STX16: variants seen among roughly 807,000 people sequenced by gnomAD.
STX16 encodes syntaxin 16, also known as syntaxin-16.
Under a neutral mutation model 42.7 loss-of-function variants are expected in STX16, and 28 were observed. That is an observed-to-expected ratio of 0.66 (90% CI 0.49 to 0.90). STX16 has a LOEUF of 0.90. Among genes scored for constraint, STX16 ranks in the 40% least tolerant of loss-of-function variants. The probability of loss-of-function intolerance (pLI) is 0.00; values close to 1 mark genes in which losing one functional copy is unlikely to be tolerated. For missense variants in STX16, 361 were observed against 420.9 expected, an observed-to-expected ratio of 0.86 and a Z score of 1.24; for synonymous variants, 156 against 155.2, an observed-to-expected ratio of 1.00 and a Z score of -0.04.
chr20:58,659,753 T>G, intron 2 of STX16, 119 bp downstream of exon 2: 2 of 1,041,392 alleles, frequency 1.9e-6, no homozygotes, highest in Non-Finnish European at 1.4e-6. Flanking sequence ...TAGCATTTGT[T>G]TTGATTACTT....
intron 4 of STX16, among the ~76,000 whole-genome samples, chr20:58,668,831 T>G (rs972441285): frequency 1.3e-5 from 2 of 152,134 alleles, no homozygotes; most frequent in Admixed American, 1.3e-4. Context: ...GGTTGAACAT[T>G]CCTAATCTGA....
chr20:58,652,653 T>C (rs1020640573), intron 1 of STX16, among the ~76,000 whole-genome samples: 1 of 152,044 alleles, frequency 6.6e-6, no homozygotes, highest in East Asian at 1.9e-4. Flanking sequence ...CCGCCCGTTT[T>C]CTTTTAACGG....
intron 1 of STX16, among the ~76,000 whole-genome samples, chr20:58,655,588 T>TA (rs2083568179): frequency 6.6e-6 from 1 of 152,212 alleles, no homozygotes; most frequent in Admixed American, 6.5e-5. Flanking sequence ...GGCCATGGTG[T>TA]ATGACAATGA....
chr20:58,652,082 G>T lies in STX16; in HGVS notation c.76G>T (p.Glu26Ter). Residue 26 changes from glutamate to a stop codon, truncating the protein, a stop_gained, in exon 1 of 9, where the codon GAG becomes TAG. Coordinates refer to ENST00000371141, the MANE Select transcript of STX16 (RefSeq NM_001001433.3). LOFTEE classifies it high-confidence loss of function. ...NSIQNRQLLAEQVSSHITSSP... is the reference protein window; with the variant it reads ...NSIQNRQLLA ...CATCCAAAACCGGCAGCTGTTAGCCGAGCAAGTGAGTAGTCACATCACCTC... is the reference window on the plus strand; with the variant it reads ...CATCCAAAACCGGCAGCTGTTAGCCTAGCAAGTGAGTAGTCACATCACCTC... 1 of 1,614,202 alleles carries T rather than the reference G, an allele frequency of 6.2e-7. No individual in the cohort carries two copies. Among genetic ancestry groups the T allele is most frequent in the South Asian group, 1.1e-5 (1 of 91,076 alleles).
Position 58,676,226 on chromosome 20 carries a change from A to G in STX16, c.913A>G (p.Ile305Val), listed in dbSNP as rs1463230603. ...AAAGAAGAATCGGAAGATGCTTGTGATTTTAATATTATTTGTCATCATCAT... is the reference window on the plus strand; with the variant it reads ...AAAGAAGAATCGGAAGATGCTTGTGGTTTTAATATTATTTGTCATCATCAT... The part of the protein sequence containing the change: ...YQKKNRKMLV[I>V]LILFVIIIVL... Residue 305 changes from isoleucine (I) to valine (V), a missense_variant, in exon 9 of 9, where the codon ATT becomes GTT. Physicochemically the swap from Ile to Val is conservative, Grantham distance 29. Coordinates refer to ENST00000371141, the MANE Select transcript of STX16 (RefSeq NM_001001433.3). 9.3e-6 allele frequency: 15 copies of G among 1,613,996 alleles called. No homozygotes were observed. The highest frequency in any genetic ancestry group is 4.2e-6 in the Non-Finnish European group (5 of 1,180,004).
Position 58,657,148 on chromosome 20 carries a change from ATCTT to A in STX16, c.133-2469_133-2466del, listed in dbSNP as rs2083603177. Among the ~76,000 whole-genome samples the A allele has an allele frequency of 6.6e-6, 1 of 152,220 alleles. No homozygotes were observed. The highest frequency in any genetic ancestry group is 1.5e-5 in the Non-Finnish European group (1 of 68,048). On this transcript the variant is annotated intron_variant, in intron 1 of 8. Transcript: ENST00000371141. This position sits in a 1 kb window ranked among gnomAD's most constrained non-coding sequence, Gnocchi z 4.2. Reference sequence around the variant, plus strand: ...ATTTTTTTTCTTGCAATAGGCTAGCATCTTTCTTTATCTCACTTTATGAACCTTA... The same window carrying A: ...ATTTTTTTTCTTGCAATAGGCTAGCATCTTTATCTCACTTTATGAACCTTA...
Position 58,678,652 on chromosome 20 carries a change from A to AAG in STX16, c.*2362_*2363insGA, listed in dbSNP as rs1458786111. On this transcript the variant is annotated 3_prime_UTR_variant, in exon 9 of 9. Coordinates refer to ENST00000371141, the MANE Select transcript of STX16 (RefSeq NM_001001433.3). ...GAGGCTCCGTCTCAAAAAAAAAAAA[A>AAG]AAAAATTGTTTTAGCGCTGGGTTTC... 1 of 151,954 alleles carries AAG rather than the reference A, an allele frequency of 6.6e-6. No homozygotes were observed. The highest frequency in any genetic ancestry group is 1.5e-5 in the Non-Finnish European group (1 of 68,126). The allele number at this position is 151,954 out of a possible 1,614,324, so 9.4% of individuals were successfully genotyped here.
At chr20:58,658,737 A>G (rs551541267) in intron 1 of STX16, among the ~76,000 whole-genome samples, 2 of 152,350 alleles carry the variant, frequency 1.3e-5, no homozygotes, top group South Asian at 4.1e-4. Context: ...TGTCATTAGT[A>G]AATGTCTGTC....
chr20:58,667,885 A>G (rs2083872868), intron 3 of STX16, 102 bp from the exon 4 acceptor site: 2 of 1,488,598 alleles, frequency 1.3e-6, no homozygotes, highest in Non-Finnish European at 1.8e-6. Flanking sequence ...CAGCAAGCCA[A>G]CAAGTTTGCT....
Position 58,651,816 on chromosome 20 carries a change from G to T in STX16, c.-191G>T. The T allele has an allele frequency of 1.7e-6, 1 of 591,680 alleles. No individual in the cohort carries two copies. The highest frequency in any genetic ancestry group is 3.0e-5 in the Admixed American group (1 of 33,506). The allele number at this position is 591,680 out of a possible 1,614,324, so 36.7% of individuals were successfully genotyped here. A position where few individuals can be genotyped will look rare whatever the true frequency, so the allele number is the denominator to read the frequency against. ...GGAGTCAGACAATTGGAAAGCCTAGGTAGTTATTTGGGGAGGGGTCTCTAC... is the reference window on the plus strand; with the variant it reads ...GGAGTCAGACAATTGGAAAGCCTAGTTAGTTATTTGGGGAGGGGTCTCTAC... On this transcript the variant is annotated 5_prime_UTR_variant, in exon 1 of 9. Coordinates refer to ENST00000371141, the MANE Select transcript of STX16 (RefSeq NM_001001433.3).
Position 58,667,989 on chromosome 20 carries a change from T to G in STX16, c.255T>G (p.Ile85Met). The G allele has an allele frequency of 8.1e-6, 13 of 1,614,240 alleles. No homozygotes were observed. The highest frequency in any genetic ancestry group is 1.1e-5 in the Non-Finnish European group (13 of 1,180,036). Residue 85 changes from isoleucine (I) to methionine (M), a missense_variant and splice_region_variant, in exon 4 of 9, where the codon ATT becomes ATG. By Grantham distance (10) the Ile-to-Met change is conservative (BLOSUM62 1). Transcript: ENST00000371141. Reference sequence around the variant, plus strand: ...GTTCTGTGACTTCATTTGCTTAGATTCAGTATGATGTTGGCCGGATTAAGC... The same window carrying G: ...GTTCTGTGACTTCATTTGCTTAGATGCAGTATGATGTTGGCCGGATTAAGC... ...PPKWVDGVDE[I>M]QYDVGRIKQK...
rs546565420 is a variant in STX16 at position 58,671,162 on chromosome 20, A to T, written c.657A>T (p.Thr219=). Reference sequence around the variant, plus strand: ...GTGCACTGTCTTGCTAGGGTTTTACAGAGGACCAGTTAGTTCTGGTGGAGC... The same window carrying T: ...GTGCACTGTCTTGCTAGGGTTTTACTGAGGACCAGTTAGTTCTGGTGGAGC... The part of the protein sequence containing the change: ...DDNTLYHRGF[T]EDQLVLVEQN... Residue 219 remains threonine, a synonymous_variant, in exon 7 of 9, where the codon ACA becomes ACT. Coordinates refer to ENST00000371141, the MANE Select transcript of STX16 (RefSeq NM_001001433.3). 1.9e-6 allele frequency: 3 copies of T among 1,613,858 alleles called. No homozygotes were observed. Among genetic ancestry groups the T allele is most frequent in the South Asian group, 2.2e-5 (2 of 91,050 alleles).
In STX16 at chr20:58,676,456, A is replaced by G. The variant is rs2084129425; in HGVS notation, c.*165A>G. 3.2e-6 allele frequency: 2 copies of G among 619,738 alleles called. No individual in the cohort carries two copies. Among genetic ancestry groups the G allele is most frequent in the African/African-American group, 3.7e-5 (2 of 53,778 alleles). 38.4% of individuals were successfully genotyped at this position (619,738 alleles called of 1,614,324 possible). A position where few individuals can be genotyped will look rare whatever the true frequency, so the allele number is the denominator to read the frequency against. On this transcript the variant is annotated 3_prime_UTR_variant, in exon 9 of 9. Transcript: ENST00000371141. ...GACTCCTCCTTCCCTAGTCCTGCTC[A>G]AGCGGTCCGGGGAATGGGTTTTTGT...
At position 58,657,684 on chromosome 20, in the gene STX16, T is replaced by C. The variant is rs573455143; in HGVS notation, c.133-1939T>C. ...GTGTTTTCATTTGGCTTTATTTTGG[T>C]CTTTCTTGATGGTAATTCTAAATGT... On this transcript the variant is annotated intron_variant, in intron 1 of 8. Coordinates refer to ENST00000371141, the MANE Select transcript of STX16 (RefSeq NM_001001433.3). The surrounding 1 kb of genome is among the most constrained non-coding windows in gnomAD (Gnocchi z 4.2). 2.5e-3 allele frequency among the ~76,000 whole-genome samples: 388 copies of C among 152,358 alleles called. 1 individual carries two copies. Among genetic ancestry groups the C allele is most frequent in the South Asian group, 0.016 (75 of 4,830 alleles).
chr20:58,671,431 T>G, intron 7 of STX16, 134 bp downstream of exon 7: 4 of 397,600 alleles, frequency 1.0e-5, no homozygotes, highest in East Asian at 6.7e-5. Context: ...CCTTTATGTG[T>G]GTGTGGGTGT....
At chr20:58,665,412 G>C (rs772805947) in intron 2 of STX16, among the ~76,000 whole-genome samples, 6 of 152,162 alleles carry the variant, frequency 3.9e-5, no homozygotes, top group African/African-American at 1.2e-4. Flanking sequence ...TTATGGGCCT[G>C]TGGAGTGATT....
intron 1 of STX16, among the ~76,000 whole-genome samples, chr20:58,658,618 C>G (rs2083630409): frequency 6.6e-6 from 1 of 151,966 alleles, no homozygotes; most frequent in Non-Finnish European, 1.5e-5. Flanking sequence ...GTTTTATTTT[C>G]TAAATTTACT....
chr20:58,657,153 T>C lies in STX16; in HGVS notation c.133-2470T>C, dbSNP rs922649704. Among the ~76,000 whole-genome samples, 1 of 152,242 alleles carries C rather than the reference T, an allele frequency of 6.6e-6. No homozygotes were observed. Among genetic ancestry groups the C allele is most frequent in the African/African-American group, 2.4e-5 (1 of 41,458 alleles). ...TTTTCTTGCAATAGGCTAGCATCTT[T>C]CTTTATCTCACTTTATGAACCTTAC... On this transcript the variant is annotated intron_variant, in intron 1 of 8. Coordinates refer to ENST00000371141, the MANE Select transcript of STX16 (RefSeq NM_001001433.3). This position sits in a 1 kb window ranked among gnomAD's most constrained non-coding sequence, Gnocchi z 4.2.
Position 58,667,584 on chromosome 20 carries a change from A to G in STX16, c.239A>G (p.Asp80Gly), listed in dbSNP as rs1335547515. The change falls in exon 3 of 9, where the codon GAT becomes GGT. Residue 80 changes from aspartate (D) to glycine (G), a missense_variant. By Grantham distance (94) the Asp-to-Gly change is moderately conservative (BLOSUM62 -1). Transcript: ENST00000371141. The stretch of plus-strand genomic sequence containing the variant: ...AAACGGCCACCTCCTAAGTGGGTGG[A>G]TGGAGTGGATGAAGTAAGTTCCATG... ...VTKRPPPKWVDGVDEIQYDVG... is the reference protein window; with the variant it reads ...VTKRPPPKWVGGVDEIQYDVG... 1 of 1,613,734 alleles carries G rather than the reference A, an allele frequency of 6.2e-7. No homozygotes were observed. The highest frequency in any genetic ancestry group is 1.7e-5 in the Admixed American group (1 of 60,022).
Sources: allele counts gnomAD v4.1 joint callset (sites outside exome capture counted in the v4.1 genomes callset), GRCh38; gene constraint gnomAD v4.1.1; non-coding constraint Gnocchi (gnomAD v3.1); transcripts MANE v1.5; gene names NCBI Gene and HGNC (gene_info 2026-07-23, HGNC 2026-07-21).